Variants in WDFY4 observed in about 807,000 individuals in gnomAD.
The protein encoded by WDFY4 is WD repeat- and FYVE domain-containing protein 4.
A neutral mutation model predicts 351.9 loss-of-function variants in WDFY4; 169 were observed. That is an observed-to-expected ratio of 0.48 (90% CI 0.42 to 0.55). The LOEUF (loss-of-function observed/expected upper bound fraction) is 0.55. WDFY4 is among the 20% of genes least tolerant of loss of function. The pLI is 0.00. For missense variants in WDFY4, 3,803 were observed against 3,935.6 expected (o/e 0.97, Z 0.90); for synonymous variants, 1,622 against 1,574.6 (o/e 1.03, Z -0.71).
At position 48,787,913 on chromosome 10, in the gene WDFY4, T is replaced by C. The variant is rs980685891; in HGVS notation, c.3809-617T>C. 1.5e-3 allele frequency among the ~76,000 whole-genome samples: 75 copies of C among 50,632 alleles called. 3 individuals are homozygous for C. The highest frequency in any genetic ancestry group is 6.7e-3 in the African/African-American group (68 of 10,160). The allele number at this position is 50,632 out of a possible 152,430, so 33.2% of individuals were successfully genotyped here. ...CTTCTCCTTCTTCTTCTTCTTCTTC[T>C]TCTTCTTCTTCTTCTTCTTCTTCTT... On this transcript the variant is annotated intron_variant, in intron 20 of 61. Coordinates refer to ENST00000325239, the MANE Select transcript of WDFY4 (RefSeq NM_001394531.1).
intron 58 of WDFY4, among the ~76,000 whole-genome samples, chr10:48,975,642 A>T (rs1357256405): frequency 6.6e-6 from 1 of 152,192 alleles, no homozygotes; most frequent in African/African-American, 2.4e-5. Flanking sequence ...ATTTTTGCTG[A>T]AAGTGGTGCT....
At chr10:48,856,220 T>A (rs553290505) in intron 39 of WDFY4, among the ~76,000 whole-genome samples, 4 of 152,288 alleles carry the variant, frequency 2.6e-5, no homozygotes, top group Non-Finnish European at 5.9e-5. Context: ...CCCACAGATA[T>A]GCAGTTAGAA....
intron 47 of WDFY4, chr10:48,914,064 C>T (rs17772611): frequency 0.13 from 203,713 of 1,613,998 alleles, 13,870 homozygotes; most frequent in Middle Eastern, 0.2. Flanking sequence ...CAAGTCAAGG[C>T]GCTTTTTCCC....
intron 13 of WDFY4, among the ~76,000 whole-genome samples, chr10:48,765,943 T>C (rs1031899976): frequency 6.6e-6 from 1 of 152,222 alleles, no homozygotes; most frequent in Admixed American, 6.5e-5. Context: ...TATCAACTCA[T>C]TTATGCCTAA....
At chr10:48,756,521 T>G (rs987266828) in intron 12 of WDFY4, among the ~76,000 whole-genome samples, 12 of 151,992 alleles carry the variant, frequency 7.9e-5, no homozygotes, top group African/African-American at 2.9e-4. Context: ...CCAATAGCAA[T>G]GGAGAGATCC....
chr10:48,692,382 G>A (rs76665535), intron 1 of WDFY4, among the ~76,000 whole-genome samples: 100 of 152,284 alleles, frequency 6.6e-4, no homozygotes, highest in South Asian at 2.7e-3. Context: ...GCCAGTGGGC[G>A]GGATCCTCAC....
intron 2 of WDFY4, among the ~76,000 whole-genome samples, chr10:48,719,518 C>G (rs1474595525): frequency 1.3e-5 from 2 of 152,338 alleles, no homozygotes; most frequent in South Asian, 4.1e-4. Flanking sequence ...AATAAAAGCA[C>G]ACTCTTTCAC....
chr10:48,823,647 G>A, intron 35 of WDFY4: 1 of 1,006,090 alleles, frequency 9.9e-7, no homozygotes, highest in Non-Finnish European at 1.2e-6. Flanking sequence ...TCAGATTCCT[G>A]GCAAGTTGTG....
intron 35 of WDFY4, chr10:48,823,071 C>A: frequency 8.3e-7 from 1 of 1,202,506 alleles, no homozygotes; most frequent in Non-Finnish European, 1.1e-6. Flanking sequence ...CAAATGCATA[C>A]CTGTAGGGCC....
chr10:48,967,468 C>T (rs1842134486), intron 55 of WDFY4: 1 of 152,254 alleles, frequency 6.6e-6, no homozygotes, highest in African/African-American at 2.4e-5. Flanking sequence ...CTCAACAAGG[C>T]CAGTCAGCAA....
intron 43 of WDFY4, among the ~76,000 whole-genome samples, chr10:48,887,346 AG>A (rs2070500574): frequency 6.6e-6 from 1 of 152,236 alleles, no homozygotes; most frequent in Non-Finnish European, 1.5e-5. Flanking sequence ...TAAGAGAAAA[AG>A]TTTAAGCAGC....
chr10:48,871,715 A>T (rs887321360), intron 40 of WDFY4, among the ~76,000 whole-genome samples: 3 of 152,156 alleles, frequency 2.0e-5, no homozygotes, highest in African/African-American at 7.2e-5. Context: ...GGCCTCAAGA[A>T]ATTCTCCCAC....
intron 47 of WDFY4, among the ~76,000 whole-genome samples, chr10:48,933,324 A>G (rs1840147563): frequency 1.3e-5 from 2 of 152,184 alleles, no homozygotes; most frequent in African/African-American, 4.8e-5. Context: ...TAGTCACTCC[A>G]CTTCACAGAT....
intron 47 of WDFY4, among the ~76,000 whole-genome samples, chr10:48,930,075 C>A (rs1199372241): frequency 6.6e-6 from 1 of 152,124 alleles, no homozygotes; most frequent in Non-Finnish European, 1.5e-5. Flanking sequence ...TTGTCCATTT[C>A]AGTTCCTAGC....
intron 19 of WDFY4, 92 bp downstream of exon 19, chr10:48,780,211 G>GTTGT (rs765059745): frequency 9.0e-6 from 13 of 1,451,476 alleles, no homozygotes; most frequent in South Asian, 6.8e-5. Flanking sequence ...TGTTTTTGTT[G>GTTGT]TTGTTTGTTT....
intron 12 of WDFY4, among the ~76,000 whole-genome samples, chr10:48,748,241 A>G (rs141856963): frequency 2.6e-5 from 4 of 152,338 alleles, no homozygotes; most frequent in African/African-American, 9.6e-5. Context: ...AAGAAAAGCA[A>G]TAGTAATTAG....
Position 48,796,252 on chromosome 10 carries a change from C to G in WDFY4, c.4258-46C>G, listed in dbSNP as rs559428454. On this transcript the variant is annotated intron_variant, in intron 23 of 61. Coordinates refer to ENST00000325239, the MANE Select transcript of WDFY4 (RefSeq NM_001394531.1). ...GGACAAGTGGGTGAAGGGGAAATCT[C>G]TAATGATGCATTCATGAGGAAACTG... 37 of 1,528,456 alleles carry G rather than the reference C, an allele frequency of 2.4e-5. No individual in the cohort carries two copies. The East Asian group carries it at 9.1e-4, about 38-fold the overall frequency. The allele number at this position is 1,528,456 out of a possible 1,614,324, so 94.7% of individuals were successfully genotyped here.
At chr10:48,794,472 G>C (rs774823384) in intron 23 of WDFY4, among the ~76,000 whole-genome samples, 17 of 152,146 alleles carry the variant, frequency 1.1e-4, no homozygotes, top group Non-Finnish European at 2.1e-4. Context: ...GGAGCTCAGG[G>C]ACAGGCTGTG....
At chr10:48,944,090 G>A (rs980527292) in intron 49 of WDFY4, among the ~76,000 whole-genome samples, 2 of 152,246 alleles carry the variant, frequency 1.3e-5, no homozygotes, top group African/African-American at 2.4e-5. Flanking sequence ...CTTGTGGGGT[G>A]AGGCAGTCAC....
Sources: allele counts gnomAD v4.1 joint callset (sites outside exome capture counted in the v4.1 genomes callset), GRCh38; gene constraint gnomAD v4.1.1; transcripts MANE v1.5; gene names NCBI Gene and HGNC (gene_info 2026-07-23, HGNC 2026-07-21).